The following NIPBL variants were observed in gnomAD, a reference collection of about 807,000 sequenced individuals.
NIPBL encodes the protein nipped-B-like protein.
In NIPBL, 19 loss-of-function variants were observed where a neutral mutation model predicts 321.8. The observed-to-expected ratio is 0.06, with a 90% CI of 0.04 to 0.09. The LOEUF (loss-of-function observed/expected upper bound fraction) is 0.09. NIPBL is among the 10% of genes least tolerant of loss of function. NIPBL has a pLI of 1.00. For missense variants in NIPBL, 2,210 were observed against 3,327.0 expected (o/e 0.66, Z 8.26); for synonymous variants, 1,106 against 1,114.1 (o/e 0.99, Z 0.14).
intron 1 of NIPBL, among the ~76,000 whole-genome samples, chr5:36,952,866 G>C (rs190999994): frequency 4.3e-4 from 66 of 152,274 alleles, no homozygotes; most frequent in Non-Finnish European, 6.2e-4. Context: ...AGTTTCAAAA[G>C]ATGTCACAAA....
At position 37,010,067 on chromosome 5, in the gene NIPBL, AT is replaced by A. The variant is rs797045759; in HGVS notation, c.4422-12del. ...GAGATTATCTTGATACTCCATACAA[AT>A]TTTTTTTCTTCATTAAAGGTTAAAC... On this transcript the variant is annotated intron_variant, in intron 20 of 46. Transcript: ENST00000282516. 1.4e-3 allele frequency: 2,288 copies of A among 1,581,336 alleles called. 7 individuals are homozygous for A. Among genetic ancestry groups the A allele is most frequent in the Middle Eastern group, 0.012 (69 of 5,732 alleles).
intron 1 of NIPBL, among the ~76,000 whole-genome samples, chr5:36,897,522 A>G (rs1354560013): frequency 6.6e-6 from 1 of 152,208 alleles, no homozygotes; most frequent in Admixed American, 6.5e-5. Context: ...GTTATAAGAA[A>G]GAAATTTCTT....
chr5:36,982,736 TTGAG>T (rs1283565655), intron 9 of NIPBL, among the ~76,000 whole-genome samples: 1 of 151,846 alleles, frequency 6.6e-6, no homozygotes, highest in Non-Finnish European at 1.5e-5. Flanking sequence ...ATATAAACTC[TTGAG>T]TATTTTGTAA....
At chr5:36,922,597 T>C (rs1163712074) in intron 1 of NIPBL, among the ~76,000 whole-genome samples, 1 of 152,152 alleles carries the variant, frequency 6.6e-6, no homozygotes, top group Non-Finnish European at 1.5e-5. Context: ...AATGGTGGTA[T>C]TTGGTATTAC....
intron 1 of NIPBL, among the ~76,000 whole-genome samples, chr5:36,896,419 T>C (rs934724846): frequency 1.3e-5 from 2 of 152,216 alleles, no homozygotes; most frequent in Non-Finnish European, 2.9e-5. Context: ...ATCTCTCATT[T>C]TCATATGAAG....
In NIPBL at chr5:36,877,123, G is replaced by C. The variant is rs1745123755; in HGVS notation, c.-135G>C. The C allele has an allele frequency of 3.0e-6, 1 of 329,328 alleles. No individual in the cohort carries two copies. The highest frequency in any genetic ancestry group is 2.2e-5 in the African/African-American group (1 of 46,080). 20.4% of individuals were successfully genotyped at this position (329,328 alleles called of 1,614,324 possible). On this transcript the variant is annotated 5_prime_UTR_variant, in exon 1 of 47. An upstream open reading frame in the 5' UTR loses its in-frame stop. Transcript: ENST00000282516. The stretch of plus-strand genomic sequence containing the variant: ...ACCCCCCCTCCCGGCCCGGATTATA[G>C]TCTCTCGCCACAGCGGCCTCGGCCT...
chr5:36,890,332 G>C (rs1746226552), intron 1 of NIPBL, among the ~76,000 whole-genome samples: 1 of 152,048 alleles, frequency 6.6e-6, no homozygotes, highest in Non-Finnish European at 1.5e-5. Context: ...TGGGTCAAAA[G>C]GTTTGAACAT....
intron 1 of NIPBL, among the ~76,000 whole-genome samples, chr5:36,951,619 GACT>G (rs1279220615): frequency 1.3e-5 from 2 of 152,120 alleles, no homozygotes; most frequent in African/African-American, 4.8e-5. Context: ...TGCTTGATGT[GACT>G]ACTAACTATG....
intron 1 of NIPBL, among the ~76,000 whole-genome samples, chr5:36,942,599 G>T (rs955554830): frequency 6.6e-6 from 1 of 151,628 alleles, no homozygotes; most frequent in Non-Finnish European, 1.5e-5. Flanking sequence ...AATTAGCTGG[G>T]GGGTGGTGGT....
chr5:37,058,621 G>A (rs1754344197), intron 43 of NIPBL, among the ~76,000 whole-genome samples: 1 of 151,970 alleles, frequency 6.6e-6, no homozygotes, highest in South Asian at 2.1e-4. Context: ...TTTTATTACT[G>A]TCCTTAGAAG....
At chr5:36,931,641 G>T (rs1222184902) in intron 1 of NIPBL, among the ~76,000 whole-genome samples, 1 of 151,946 alleles carries the variant, frequency 6.6e-6, no homozygotes, top group Non-Finnish European at 1.5e-5. Flanking sequence ...CTAAAGTATT[G>T]GTAGTGATTT....
intron 32 of NIPBL, among the ~76,000 whole-genome samples, chr5:37,032,740 C>T (rs1336269903): frequency 6.6e-6 from 1 of 151,956 alleles, no homozygotes; most frequent in Admixed American, 6.5e-5. Context: ...GTGCCACTGC[C>T]CTTTCTTCTG....
At chr5:37,017,211 C>T in intron 24 of NIPBL, 49 bp downstream of exon 24, 1 of 1,505,776 alleles carries the variant, frequency 6.6e-7, no homozygotes, top group Non-Finnish European at 9.2e-7. Context: ...TAGTTATTTT[C>T]TTTGCATGTC....
rs754514853 is a variant in NIPBL, at chr5:37,060,972, A to G, written c.7814A>G (p.Lys2605Arg). 11 of 1,614,042 alleles carry G rather than the reference A, an allele frequency of 6.8e-6. No individual in the cohort carries two copies. Among genetic ancestry groups the G allele is most frequent in the East Asian group, 2.2e-5 (1 of 44,870 alleles). Residue 2605 changes from lysine to arginine, a missense_variant, in exon 45 of 47, where the codon AAA (lysine) becomes AGA (arginine). Physicochemically the swap from Lys to Arg is conservative, Grantham distance 26. Around this residue, in one of 14 missense-constraint regions of NIPBL, gnomAD observed 159 missense variants for 319.2 expected, o/e 0.50. Coordinates refer to ENST00000282516, the MANE Select transcript of NIPBL (RefSeq NM_133433.4). ...CTGCGGAGTGACATGGCTAATTCCA[A>G]AATCACAGAAGAGGTGAAAAGGAGT... The part of the protein sequence containing the change: ...DFLRSDMANS[K>R]ITEEVKRSIV...
chr5:36,962,305 A>G (rs1345095493), intron 6 of NIPBL, 31 bp downstream of exon 6: 1 of 1,611,828 alleles, frequency 6.2e-7, no homozygotes, highest in Non-Finnish European at 8.5e-7. Flanking sequence ...TTCACTGGGA[A>G]TGTCTAAGTG....
intron 1 of NIPBL, among the ~76,000 whole-genome samples, chr5:36,952,049 TGTGTGCGCGC>T (rs1352665048): frequency 1.3e-4 from 15 of 113,788 alleles, no homozygotes; most frequent in East Asian, 2.5e-4. Flanking sequence ...TGTGTGTGTG[TGTGTGCGCGC>T]GCGCGCGCGC....
intron 4 of NIPBL, among the ~76,000 whole-genome samples, chr5:36,959,894 TA>T (rs1380380451): frequency 1.3e-4 from 20 of 152,106 alleles, no homozygotes; most frequent in Admixed American, 5.9e-4. Context: ...AATTGCATGT[TA>T]TTTTTTTTTT....
At chr5:37,049,331 C>A (rs2149738035) in intron 40 of NIPBL, 30 bp downstream of exon 40, 1 of 1,603,718 alleles carries the variant, frequency 6.2e-7, no homozygotes, top group Non-Finnish European at 8.5e-7. Flanking sequence ...GCAGCACTTA[C>A]TAAAAGAGCA....
Position 36,985,835 on chromosome 5 carries a change from A to G in NIPBL, c.2655A>G (p.Glu885=), listed in dbSNP as rs1343528771. ...GDSRERPSSG[E]QKSRPDSPRV... is the part of the protein sequence containing the mutation. ...CAAGGGAAAGACCATCTTCTGGGGA[A>G]CAAAAATCAAGACCTGACAGTCCTC... Residue 885 remains glutamate (E), a synonymous_variant, in exon 10 of 47, where the codon GAA becomes GAG. Coordinates refer to ENST00000282516, the MANE Select transcript of NIPBL (RefSeq NM_133433.4). 1.1e-5 allele frequency: 18 copies of G among 1,613,780 alleles called. No individual in the cohort carries two copies. The highest frequency in any genetic ancestry group is 1.0e-4 in the Admixed American group (6 of 59,878).
Sources: gnomAD v4.1 joint callset for allele counts (sites outside exome capture counted in the v4.1 genomes callset) on GRCh38, gnomAD v4.1.1 for gene constraint, gnomAD v4.1.1 regional missense constraint, MANE v1.5 for transcripts, NCBI Gene and HGNC (gene_info 2026-07-23, HGNC 2026-07-21) for gene names.